AEBP1: variants seen among roughly 807,000 people sequenced by gnomAD.
AEBP1 encodes AE binding protein 1.
Under a neutral mutation model 116.5 loss-of-function variants are expected in AEBP1, and 69 were observed. The ratio of observed to expected loss-of-function variants is 0.59; its 90% CI spans 0.49 to 0.72. AEBP1 has a LOEUF of 0.72. Ranked by LOEUF, AEBP1 falls within the 30% of genes least tolerant of loss-of-function variation. AEBP1 has a pLI of 0.00. For synonymous variants in AEBP1, 627 were observed against 627.3 expected (o/e 1.00, Z 0.01); for missense variants, 1,444 against 1,557.5 (o/e 0.93, Z 1.23).
At chr7:44,106,196 C>T (rs2096222688) in intron 1 of AEBP1, 1 of 496,912 alleles carries the variant, frequency 2.0e-6, no homozygotes, top group Admixed American at 2.3e-5. Context: ...TCAGTCACCT[C>T]TCTGCCCCTT....
chr7:44,113,358 A>C lies in AEBP1; in HGVS notation c.2809+7A>C. On this transcript the variant is annotated splice_region_variant and intron_variant, in intron 20 of 20. Transcript: ENST00000223357. This position sits in a 1 kb window ranked among gnomAD's most constrained non-coding sequence, Gnocchi z 5.3. ...AATCACGGCGTGAAGACAGGTACCT[A>C]GTGTGCACACCTTTACCCCATCTTT... is the stretch of plus-strand genomic sequence containing the variant. 1 of 1,608,422 alleles carries C rather than the reference A, an allele frequency of 6.2e-7. No homozygotes were observed. The highest frequency in any genetic ancestry group is 1.3e-5 in the African/African-American group (1 of 74,760).
In AEBP1 at chr7:44,109,353, G is replaced by A. The variant is rs200315709; in HGVS notation, c.1150+12G>A. On this transcript the variant is annotated intron_variant, in intron 9 of 20. Coordinates refer to ENST00000223357, the MANE Select transcript of AEBP1 (RefSeq NM_001129.5). ...TACGGAGAAAGTCAGTAAGTGGGGG[G>A]CACAAGGGGGTGAGGGTGGGGGCCA... 200 of 863,138 alleles carry A rather than the reference G, an allele frequency of 2.3e-4. No homozygotes were observed. In the African/African-American group the frequency reaches 2.4e-3, roughly 10 times the overall value. 53.5% of individuals were successfully genotyped at this position (863,138 alleles called of 1,614,324 possible).
rs1253648212 is a variant in AEBP1, at chr7:44,107,703, G to C, written c.739+3G>C. On this transcript the variant is annotated splice_donor_region_variant and intron_variant, in intron 4 of 20. Coordinates refer to ENST00000223357, the MANE Select transcript of AEBP1 (RefSeq NM_001129.5). This position sits in a 1 kb window ranked among gnomAD's most constrained non-coding sequence, Gnocchi z 4.3. ...CGAGAGGGAGGACTATGAGGACTGT[G>C]AGTAGGGTCCTGCCAGCCCCACCTG... 6.2e-7 allele frequency: 1 copy of C among 1,613,440 alleles called. No individual in the cohort carries two copies. The highest frequency in any genetic ancestry group is 1.7e-5 in the Admixed American group (1 of 59,986).
In AEBP1 at chr7:44,107,888, C is replaced by T. The variant is rs912983756; in HGVS notation, c.819C>T (p.Pro273=). The T allele has an allele frequency of 1.9e-5, 30 of 1,600,356 alleles. No homozygotes were observed. The highest frequency in any genetic ancestry group is 3.4e-5 in the Admixed American group (2 of 58,906). ...GGCCCGAGCGGGTCTGGCCAGAGCC[C>T]CCTGAGGAGAAGGCCCCGGCCCCAG... ...RRRPERVWPE[P]PEEKAPAPAP... is the part of the protein sequence containing the mutation. Residue 273 remains proline (P), a synonymous_variant, in exon 5 of 21, where the codon CCC becomes CCT. Transcript: ENST00000223357. This position sits in a 1 kb window ranked among gnomAD's most constrained non-coding sequence, Gnocchi z 4.3.
Position 44,110,971 on chromosome 7 carries a change from T to A in AEBP1, c.1544T>A (p.Val515Glu). 6.2e-7 allele frequency: 1 copy of A among 1,613,918 alleles called. No homozygotes were observed. Among genetic ancestry groups the A allele is most frequent in the East Asian group, 2.2e-5 (1 of 44,868 alleles). ...TPVLSELPEP[V>E]VARFIRIYPL... is the part of the protein sequence containing the mutation. ...GTGCTGAGTGAGCTCCCAGAGCCGG[T>A]GGTGGCTCGTTTCATCCGCATCTAC... is the stretch of plus-strand genomic sequence containing the variant. The change falls in exon 13 of 21, where the codon GTG becomes GAG. Residue 515 changes from valine to glutamate, a missense_variant. Coordinates refer to ENST00000223357, the MANE Select transcript of AEBP1 (RefSeq NM_001129.5).
In AEBP1 at chr7:44,111,028, G is replaced by C; in HGVS notation, c.1601G>C (p.Arg534Pro). Residue 534 changes from arginine to proline, a missense_variant, in exon 13 of 21, where the codon CGC becomes CCC. Arg to Pro is a moderately radical substitution (Grantham distance 103). Coordinates refer to ENST00000223357, the MANE Select transcript of AEBP1 (RefSeq NM_001129.5). This position sits in a 1 kb window ranked among gnomAD's most constrained non-coding sequence, Gnocchi z 4.7. Reference protein sequence around the residue: ...PLTWNGSLCMRLEVLGCSVAP... With the variant: ...PLTWNGSLCMPLEVLGCSVAP... Reference sequence around the variant, plus strand: ...ACCTGGAATGGCAGCCTGTGCATGCGCCTGGAGGTGCTGGGGTGCTCTGTG... The same window carrying C: ...ACCTGGAATGGCAGCCTGTGCATGCCCCTGGAGGTGCTGGGGTGCTCTGTG... The C allele has an allele frequency of 6.2e-7, 1 of 1,613,116 alleles. No individual in the cohort carries two copies. The highest frequency in any genetic ancestry group is 8.5e-7 in the Non-Finnish European group (1 of 1,179,470).
chr7:44,109,271 C>G lies in AEBP1; in HGVS notation c.1097-17C>G. 6.2e-7 allele frequency: 1 copy of G among 1,611,370 alleles called. No homozygotes were observed. The highest frequency in any genetic ancestry group is 8.5e-7 in the Non-Finnish European group (1 of 1,178,946). ...TCCCGGGCCCTTGGTGCCATGTCCT[C>G]CCTTCATTGTCCCTAGAGCCCCGAA... On this transcript the variant is annotated splice_polypyrimidine_tract_variant and intron_variant, in intron 8 of 20. Transcript: ENST00000223357.
Position 44,114,545 on chromosome 7 carries a change from A to T in AEBP1, c.*284A>T. 1.6e-6 allele frequency: 1 copy of T among 620,402 alleles called. No individual in the cohort carries two copies. 38.4% of individuals were successfully genotyped at this position (620,402 alleles called of 1,614,324 possible). On this transcript the variant is annotated 3_prime_UTR_variant, in exon 21 of 21. Transcript: ENST00000223357. ...GGAGGGAGCCAAGGTCACTCCAATAAAACAAGCTCATGGCACGGACTGCTC... is the reference window on the plus strand; with the variant it reads ...GGAGGGAGCCAAGGTCACTCCAATATAACAAGCTCATGGCACGGACTGCTC...
At position 44,114,388 on chromosome 7, in the gene AEBP1, G is replaced by C; in HGVS notation, c.*127G>C. The C allele has an allele frequency of 9.2e-7, 1 of 1,086,568 alleles. No homozygotes were observed. The highest frequency in any genetic ancestry group is 1.5e-5 in the South Asian group (1 of 65,744). The allele number at this position is 1,086,568 out of a possible 1,614,324, so 67.3% of individuals were successfully genotyped here. On this transcript the variant is annotated 3_prime_UTR_variant, in exon 21 of 21. Coordinates refer to ENST00000223357, the MANE Select transcript of AEBP1 (RefSeq NM_001129.5). ...CCCTGGTATGGACACTGAAAGGAAG[G>C]GCTGGTCCTGCCCCTTTGAGGGGGT...
At position 44,107,855 on chromosome 7, in the gene AEBP1, A is replaced by G; in HGVS notation, c.786A>G (p.Arg262=). 1.2e-6 allele frequency: 2 copies of G among 1,610,362 alleles called. No homozygotes were observed. The highest frequency in any genetic ancestry group is 1.7e-6 in the Non-Finnish European group (2 of 1,179,030). Reference sequence around the variant, plus strand: ...AGCAACCCAGGCCACCCCCAAGCAGAAGGAGGAGGCCCGAGCGGGTCTGGC... The same window carrying G: ...AGCAACCCAGGCCACCCCCAAGCAGGAGGAGGAGGCCCGAGCGGGTCTGGC... The part of the protein sequence containing the change: ...RQKQPRPPPS[R]RRRPERVWPE... Residue 262 remains arginine, a synonymous_variant, in exon 5 of 21, where the codon AGA becomes AGG. Coordinates refer to ENST00000223357, the MANE Select transcript of AEBP1 (RefSeq NM_001129.5). This position sits in a 1 kb window ranked among gnomAD's most constrained non-coding sequence, Gnocchi z 4.3.
Position 44,109,199 on chromosome 7 carries a change from C to T in AEBP1, c.1096+15C>T. 1 of 1,613,444 alleles carries T rather than the reference C, an allele frequency of 6.2e-7. No individual in the cohort carries two copies. The highest frequency in any genetic ancestry group is 8.5e-7 in the Non-Finnish European group (1 of 1,179,866). On this transcript the variant is annotated intron_variant, in intron 8 of 20. Transcript: ENST00000223357. ...GGACCACAAAGGTGTGTGGCTGGGGCTTGGGGCCTGGGTCCCTGTGGGGCA... is the reference window on the plus strand; with the variant it reads ...GGACCACAAAGGTGTGTGGCTGGGGTTTGGGGCCTGGGTCCCTGTGGGGCA...
Position 44,112,043 on chromosome 7 carries a change from C to G in AEBP1, c.2030C>G (p.Ala677Gly). The change falls in exon 16 of 21, where the codon GCG becomes GGG. Residue 677 changes from alanine to glycine, a missense_variant. Ala to Gly is a moderately conservative substitution (Grantham distance 60, BLOSUM62 0). Transcript: ENST00000223357. The surrounding 1 kb of genome is among the most constrained non-coding windows in gnomAD (Gnocchi z 6.6). ...AACCCTGATGGCTACGAGGTGGCAG[C>G]GCAGATGGTGGGTTGAAGGGTGAGG... ...SLNPDGYEVA[A>G]QMGSEFGNWA... 6.2e-7 allele frequency: 1 copy of G among 1,612,622 alleles called. No individual in the cohort carries two copies. Among genetic ancestry groups the G allele is most frequent in the Non-Finnish European group, 8.5e-7 (1 of 1,179,038 alleles).
Position 44,114,408 on chromosome 7 carries a change from G to A in AEBP1, c.*147G>A, listed in dbSNP as rs2096234594. 2.2e-6 allele frequency: 2 copies of A among 912,254 alleles called. No individual in the cohort carries two copies. Among genetic ancestry groups the A allele is most frequent in the East Asian group, 2.6e-5 (1 of 38,152 alleles). The allele number at this position is 912,254 out of a possible 1,614,324, so 56.5% of individuals were successfully genotyped here. ...GGAAGGGCTGGTCCTGCCCCTTTGA[G>A]GGGGTGCAAACATGACTGGGACCTA... On this transcript the variant is annotated 3_prime_UTR_variant, in exon 21 of 21. Transcript: ENST00000223357.
rs1583556567 is a variant in AEBP1, at chr7:44,113,482, T to C, written c.2810-112T>C. 5 of 730,832 alleles carry C rather than the reference T, an allele frequency of 6.8e-6. No homozygotes were observed. The East Asian group carries it at 2.1e-4, about 30-fold the overall frequency. 45.3% of individuals were successfully genotyped at this position (730,832 alleles called of 1,614,324 possible). The stretch of plus-strand genomic sequence containing the variant: ...GGCGAAATTCAGAGAGGGAGGGCGG[T>C]GCTGGGGGCGGGAACTCAGAGGGGG... On this transcript the variant is annotated intron_variant, in intron 20 of 20. Coordinates refer to ENST00000223357, the MANE Select transcript of AEBP1 (RefSeq NM_001129.5). This position sits in a 1 kb window ranked among gnomAD's most constrained non-coding sequence, Gnocchi z 5.3.
Position 44,107,891 on chromosome 7 carries a change from T to A in AEBP1, c.822T>A (p.Pro274=). 7 of 1,599,366 alleles carry A rather than the reference T, an allele frequency of 4.4e-6. No individual in the cohort carries two copies. The highest frequency in any genetic ancestry group is 6.0e-6 in the Non-Finnish European group (7 of 1,173,872). ...RRPERVWPEP[P]EEKAPAPAPE... ...CCGAGCGGGTCTGGCCAGAGCCCCC[T>A]GAGGAGAAGGCCCCGGCCCCAGCCC... The change falls in exon 5 of 21, where the codon CCT becomes CCA. Residue 274 remains proline (P), a synonymous_variant. Coordinates refer to ENST00000223357, the MANE Select transcript of AEBP1 (RefSeq NM_001129.5). The surrounding 1 kb of genome is among the most constrained non-coding windows in gnomAD (Gnocchi z 4.3).
Position 44,110,224 on chromosome 7 carries a change from C to T in AEBP1, c.1278C>T (p.Asp426=), listed in dbSNP as rs763567371. Residue 426 remains aspartate (D), a synonymous_variant, in exon 11 of 21, where the codon GAC becomes GAT. Coordinates refer to ENST00000223357, the MANE Select transcript of AEBP1 (RefSeq NM_001129.5). The part of the protein sequence containing the change: ...RLNMQTGATE[D]DYYDGAWCAE... Reference sequence around the variant, plus strand: ...CTGGACAGACCGGTGCCACTGAGGACGACTACTATGATGGTGCGTGGTGTG... The same window carrying T: ...CTGGACAGACCGGTGCCACTGAGGATGACTACTATGATGGTGCGTGGTGTG... 1.1e-5 allele frequency: 18 copies of T among 1,613,566 alleles called. No homozygotes were observed. The highest frequency in any genetic ancestry group is 3.3e-5 in the Admixed American group (2 of 60,006).
rs149570691 is a variant in AEBP1, at chr7:44,105,321, C to G, written c.253+403C>G. On this transcript the variant is annotated intron_variant, in intron 1 of 20. Coordinates refer to ENST00000223357, the MANE Select transcript of AEBP1 (RefSeq NM_001129.5). ...CGTCGTCCCTCCCTCCTGCCTTTGC[C>G]CTCCTACTCCAGGAGGTCTCACGTA... Among the ~76,000 whole-genome samples the G allele has an allele frequency of 8.4e-3, 1,277 of 152,330 alleles. 9 individuals carry two copies. The highest frequency in any genetic ancestry group is 0.017 in the Middle Eastern group (5 of 294).
In AEBP1 at chr7:44,107,564, C is replaced by T. The variant is rs1562684880; in HGVS notation, c.667+54C>T. 6.2e-7 allele frequency: 1 copy of T among 1,613,222 alleles called. No individual in the cohort carries two copies. Among genetic ancestry groups the T allele is most frequent in the Admixed American group, 1.7e-5 (1 of 60,018 alleles). ...GGGCCAGCTGCCCTGGCTGGTTGGA[C>T]TGAGGGCTTCCCCAGAGTAGGCCTG... On this transcript the variant is annotated intron_variant, in intron 3 of 20. Transcript: ENST00000223357. This position sits in a 1 kb window ranked among gnomAD's most constrained non-coding sequence, Gnocchi z 4.3.
Position 44,104,704 on chromosome 7 carries a change from C to T in AEBP1, c.39C>T (p.Leu13=). 2 of 1,606,306 alleles carry T rather than the reference C, an allele frequency of 1.2e-6. No individual in the cohort carries two copies. ...GCGGGGCGCCCCTGCTCAGCTGCCT[C>T]CTGGCGTTGCTGGCCCTGTGCCCTG... is the stretch of plus-strand genomic sequence containing the variant. ...AVRGAPLLSC[L]LALLALCPGG... The change falls in exon 1 of 21, where the codon CTC becomes CTT. Residue 13 remains leucine (L), a synonymous_variant. Transcript: ENST00000223357.
Sources: allele counts gnomAD v4.1 joint callset (sites outside exome capture counted in the v4.1 genomes callset), GRCh38; gene constraint gnomAD v4.1.1; non-coding constraint Gnocchi (gnomAD v3.1); transcripts MANE v1.5; gene names NCBI Gene and HGNC (gene_info 2026-07-23, HGNC 2026-07-21).